ZNF385D: variants seen among roughly 807,000 people sequenced by gnomAD.
The protein encoded by ZNF385D is zinc finger protein 385D, also known as zinc finger protein 659.
ZNF385D carries 15 observed loss-of-function variants against 35.8 expected under a neutral mutation model. The ratio of observed to expected loss-of-function variants is 0.42; its 90% CI spans 0.28 to 0.64. The LOEUF is 0.64. Among genes scored for constraint, ZNF385D ranks in the 30% least tolerant of loss-of-function variants. The probability of loss-of-function intolerance (pLI) is 0.23; values close to 1 mark genes in which losing one functional copy is unlikely to be tolerated. For missense variants in ZNF385D, 474 were observed against 494.6 expected (o/e 0.96, Z 0.39); for synonymous variants, 212 against 186.8 (o/e 1.13, Z -1.10).
intron 3 of ZNF385D, among the ~76,000 whole-genome samples, chr3:21,930,836 C>T (rs933550873): frequency 6.6e-6 from 1 of 151,856 alleles, no homozygotes; most frequent in Admixed American, 6.6e-5. Flanking sequence ...TATTGAAGAC[C>T]AACATGTAAC....
intron 3 of ZNF385D, among the ~76,000 whole-genome samples, chr3:21,843,033 TA>T (rs1193770334): frequency 6.6e-6 from 1 of 152,060 alleles, no homozygotes; most frequent in East Asian, 1.9e-4. Context: ...TAGTTTAGCA[TA>T]AAAGCTTTTA....
chr3:22,082,771 T>C (rs1347174686), intron 3 of ZNF385D, among the ~76,000 whole-genome samples: 1 of 152,176 alleles, frequency 6.6e-6, no homozygotes, highest in East Asian at 1.9e-4. Flanking sequence ...CTAACCCCCG[T>C]GTAGCCTAAC....
intron 2 of ZNF385D, among the ~76,000 whole-genome samples, chr3:22,291,861 CAT>C (rs538564289): frequency 1.8e-4 from 27 of 152,122 alleles, no homozygotes; most frequent in South Asian, 8.3e-4. Context: ...TATTTACAAA[CAT>C]GTGTACTTCA....
intron 3 of ZNF385D, among the ~76,000 whole-genome samples, chr3:21,973,684 C>T (rs1417177590): frequency 2.0e-5 from 3 of 151,988 alleles, no homozygotes; most frequent in Non-Finnish European, 4.4e-5. Context: ...AACCTAAAGA[C>T]TCTGACAGAA....
intron 2 of ZNF385D, among the ~76,000 whole-genome samples, chr3:21,643,811 G>A (rs1427221074): frequency 1.3e-5 from 2 of 152,156 alleles, no homozygotes; most frequent in Admixed American, 1.3e-4. Context: ...CATGATGCTA[G>A]TGGCTTCCCA....
At chr3:21,886,595 A>T (rs1231603066) in intron 3 of ZNF385D, among the ~76,000 whole-genome samples, 1 of 152,094 alleles carries the variant, frequency 6.6e-6, no homozygotes, top group East Asian at 1.9e-4. Context: ...AGTCTTGTTC[A>T]GGCCTAGTCT....
intron 3 of ZNF385D, among the ~76,000 whole-genome samples, chr3:21,875,277 T>A (rs1697906186): frequency 6.6e-6 from 1 of 152,054 alleles, no homozygotes; most frequent in Non-Finnish European, 1.5e-5. Context: ...TGGTCAGAAC[T>A]TCCAGTGTTT....
intron 3 of ZNF385D, among the ~76,000 whole-genome samples, chr3:21,882,667 C>T (rs1575831943): frequency 6.6e-6 from 1 of 151,996 alleles, no homozygotes; most frequent in East Asian, 1.9e-4. Flanking sequence ...TCCCCTGATT[C>T]TCAGACATTA....
chr3:21,636,942 G>T (rs919035520), intron 2 of ZNF385D, among the ~76,000 whole-genome samples: 1 of 151,750 alleles, frequency 6.6e-6, no homozygotes, highest in African/African-American at 2.4e-5. Context: ...CTTTTTGGTG[G>T]AATTGTTTTT....
chr3:21,585,306 T>C lies in ZNF385D; in HGVS notation c.166-20622A>G, dbSNP rs376536996. 1.8e-4 allele frequency among the ~76,000 whole-genome samples: 28 copies of C among 152,280 alleles called. No homozygotes were observed. In the East Asian group the frequency reaches 4.1e-3, roughly 22 times the overall value. The stretch of plus-strand genomic sequence containing the variant: ...TCATGTCACTTCCTCTGAAATCTTC[T>C]GGGAACTCTTAGTGAGAGTTACTTT... On this transcript the variant is annotated intron_variant, in intron 2 of 7. Coordinates refer to ENST00000281523, the MANE Select transcript of ZNF385D (RefSeq NM_024697.3).
intron 3 of ZNF385D, among the ~76,000 whole-genome samples, chr3:21,914,213 A>G (rs958143421): frequency 6.6e-6 from 1 of 152,078 alleles, no homozygotes; most frequent in African/African-American, 2.4e-5. Flanking sequence ...TTCAAGCATG[A>G]CATAATGTGG....
In ZNF385D at chr3:21,950,350, C is replaced by T. The variant is rs1368782721; in HGVS notation, c.325+218467G>A. Among the ~76,000 whole-genome samples the T allele has an allele frequency of 2.6e-5, 4 of 151,792 alleles. No individual in the cohort carries two copies. The South Asian group carries it at 8.3e-4, about 31-fold the overall frequency. ...TCATGTTTGTTGGTCACATAAATGTCTTCTTTTGAGAAGTATCTCTTCATA... is the reference window on the plus strand; with the variant it reads ...TCATGTTTGTTGGTCACATAAATGTTTTCTTTTGAGAAGTATCTCTTCATA... On this transcript the variant is annotated intron_variant, in intron 3 of 5. Transcript: ENST00000494108.
chr3:22,147,345 GGCTT>G (rs1559407321), intron 3 of ZNF385D, among the ~76,000 whole-genome samples: 1 of 152,134 alleles, frequency 6.6e-6, no homozygotes, highest in African/African-American at 2.4e-5. Flanking sequence ...AACCACACCT[GGCTT>G]TTCAGAGCAG....
chr3:21,613,197 G>A (rs1249965941), intron 2 of ZNF385D, among the ~76,000 whole-genome samples: 1 of 151,844 alleles, frequency 6.6e-6, no homozygotes, highest in Non-Finnish European at 1.5e-5. Flanking sequence ...GAAAGTAACG[G>A]TAAACCACAA....
chr3:21,778,578 A>G (rs1173627385), intron 3 of ZNF385D, among the ~76,000 whole-genome samples: 4 of 151,944 alleles, frequency 2.6e-5, no homozygotes, highest in Admixed American at 2.0e-4. Context: ...CAAAATCTAC[A>G]ATCAGAAATA....
At chr3:21,831,786 T>G (rs1326354301) in intron 3 of ZNF385D, among the ~76,000 whole-genome samples, 1 of 152,154 alleles carries the variant, frequency 6.6e-6, no homozygotes, top group Non-Finnish European at 1.5e-5. Context: ...TCTGATCAAT[T>G]CTGGATTGTT....
At chr3:21,557,566 C>T (rs143456277) in intron 3 of ZNF385D, among the ~76,000 whole-genome samples, 1 of 152,184 alleles carries the variant, frequency 6.6e-6, no homozygotes, top group African/African-American at 2.4e-5. Flanking sequence ...TTAGTTTCGC[C>T]AGTATTTTAT....
intron 3 of ZNF385D, among the ~76,000 whole-genome samples, chr3:22,122,007 T>G (rs928422964): frequency 7.2e-5 from 11 of 152,086 alleles, no homozygotes; most frequent in Non-Finnish European, 1.3e-4. Context: ...AACAACCTGA[T>G]CATTACTGAG....
chr3:21,564,854 T>C (rs1273491586), intron 2 of ZNF385D, among the ~76,000 whole-genome samples, 170 bp from the exon 3 acceptor site: 1 of 152,214 alleles, frequency 6.6e-6, no homozygotes, highest in African/African-American at 2.4e-5. Context: ...GGAAAATAGA[T>C]AACATTAAGC....
Sources: gnomAD v4.1 joint callset for allele counts (sites outside exome capture counted in the v4.1 genomes callset) on GRCh38, gnomAD v4.1.1 for gene constraint, MANE v1.5 for transcripts, NCBI Gene and HGNC (gene_info 2026-07-23, HGNC 2026-07-21) for gene names.